CCDC7: variants seen among roughly 807,000 people sequenced by gnomAD.
CCDC7 encodes coiled-coil domain containing 7, also known as coiled-coil domain-containing protein 7.
A neutral mutation model predicts 196.9 loss-of-function variants in CCDC7; 183 were observed. The ratio of observed to expected loss-of-function variants is 0.93; its 90% CI spans 0.82 to 1.05. The LOEUF is 1.05. Ranked by LOEUF, CCDC7 falls within the 50% of genes least tolerant of loss-of-function variation. CCDC7 has a pLI of 0.00. For synonymous variants in CCDC7, 525 were observed against 484.6 expected, an observed-to-expected ratio of 1.08 and a Z score of -1.10; for missense variants, 1,540 against 1,482.2, an observed-to-expected ratio of 1.04 and a Z score of -0.64.
Position 32,469,030 on chromosome 10 carries a change from A to G in CCDC7, c.511-2034A>G, listed in dbSNP as rs72795508. Among the ~76,000 whole-genome samples the G allele has an allele frequency of 8.1e-3, 1,237 of 152,356 alleles. 14 individuals are homozygous for G. Among genetic ancestry groups the G allele is most frequent in the Non-Finnish European group, 0.014 (953 of 68,024 alleles). On this transcript the variant is annotated intron_variant, in intron 5 of 41. Transcript: ENST00000639629. ...TGTCTTGCTGGAATCTGTGCCCCAAAGATCTTTCTGAAGAAACCGTTTAGC... is the reference window on the plus strand; with the variant it reads ...TGTCTTGCTGGAATCTGTGCCCCAAGGATCTTTCTGAAGAAACCGTTTAGC...
At chr10:32,785,687 AAATAT>A (rs2081753017) in intron 29 of CCDC7, among the ~76,000 whole-genome samples, 1 of 152,186 alleles carries the variant, frequency 6.6e-6, no homozygotes, top group East Asian at 1.9e-4. Flanking sequence ...TTATGCATGG[AAATAT>A]AATATATTTA....
intron 28 of CCDC7, among the ~76,000 whole-genome samples, chr10:32,775,501 T>A (rs973397204): frequency 6.6e-6 from 1 of 152,176 alleles, no homozygotes; most frequent in African/African-American, 2.4e-5. Context: ...ACTATCTGTT[T>A]TTAGAAAAAA....
intron 24 of CCDC7, among the ~76,000 whole-genome samples, chr10:32,704,862 A>C (rs1176572764): frequency 6.6e-6 from 1 of 152,108 alleles, no homozygotes; most frequent in Non-Finnish European, 1.5e-5. Context: ...ACTGTTGGAA[A>C]AGCGCAGTAT....
intron 18 of CCDC7, among the ~76,000 whole-genome samples, chr10:32,633,696 A>ATATATGTGTGTGTGTGTGTG (rs779341941): frequency 3.5e-4 from 47 of 135,214 alleles, no homozygotes; most frequent in Non-Finnish European, 1.8e-4. Flanking sequence ...ATATATATAT[A>ATATATGTGTGTGTGTGTGTG]TGTGTGTGTG....
chr10:32,667,383 A>G (rs1394381072), intron 21 of CCDC7, among the ~76,000 whole-genome samples: 1 of 152,048 alleles, frequency 6.6e-6, no homozygotes, highest in East Asian at 1.9e-4. Context: ...ATTAGATCCC[A>G]TTTGTCAATT....
At chr10:32,473,827 G>A in intron 7 of CCDC7, 140 bp from the exon 9 acceptor site, 1 of 666,988 alleles carries the variant, frequency 1.5e-6, no homozygotes, top group Non-Finnish European at 2.3e-6. Flanking sequence ...AGGAAGATCT[G>A]CAGTGTTGGC....
chr10:32,732,130 GT>G (rs1172589721), intron 28 of CCDC7, among the ~76,000 whole-genome samples: 1 of 152,062 alleles, frequency 6.6e-6, no homozygotes, highest in Non-Finnish European at 1.5e-5. Context: ...TCACAGTAAA[GT>G]TTTTTTCACT....
chr10:32,594,823 A>T (rs1277646356), intron 18 of CCDC7, among the ~76,000 whole-genome samples: 2 of 152,078 alleles, frequency 1.3e-5, no homozygotes, highest in Admixed American at 6.6e-5. Flanking sequence ...GGTTTTTGTC[A>T]TTGGTTCTGT....
intron 29 of CCDC7, 86 bp downstream of exon 30, chr10:32,779,170 A>G: frequency 1.0e-6 from 1 of 990,970 alleles, no homozygotes; most frequent in African/African-American, 1.7e-5. Context: ...AAAAAACAGG[A>G]AATTCAAAGA....
At chr10:32,646,550 G>A (rs971905737) in intron 20 of CCDC7, among the ~76,000 whole-genome samples, 2 of 152,092 alleles carry the variant, frequency 1.3e-5, no homozygotes, top group African/African-American at 4.8e-5. Context: ...TGTCTAGAAT[G>A]CAGTTTAAAT....
At chr10:32,725,417 G>C (rs1161528259) in intron 25 of CCDC7, 1 of 468,986 alleles carries the variant, frequency 2.1e-6, no homozygotes, top group Admixed American at 2.4e-5. Context: ...TAGTTACATG[G>C]ATTAGTACTT....
chr10:32,864,529 T>G (rs907149913), intron 41 of CCDC7, among the ~76,000 whole-genome samples: 2 of 151,272 alleles, frequency 1.3e-5, no homozygotes, highest in African/African-American at 4.8e-5. Flanking sequence ...ATAATGCAAT[T>G]AAAATCAGAA....
rs1457485276 is a variant in CCDC7, at chr10:32,499,629, C to T, written c.872+7632C>T. On this transcript the variant is annotated intron_variant, in intron 9 of 41. Coordinates refer to ENST00000639629, the Ensembl canonical transcript of CCDC7. ...TTATTTTTTTTTAGTGTTTATTGAT[C>T]ATTCTTGGGTGTTTCTCTGAGAGGG... 5.4e-5 allele frequency among the ~76,000 whole-genome samples: 8 copies of T among 147,476 alleles called. No individual in the cohort carries two copies. In the East Asian group the frequency reaches 1.6e-3, roughly 29 times the overall value.
chr10:32,579,593 C>T (rs967751127), intron 16 of CCDC7, among the ~76,000 whole-genome samples: 5 of 152,038 alleles, frequency 3.3e-5, no homozygotes, highest in African/African-American at 1.2e-4. Context: ...CAGCACTCAT[C>T]AAATAGTCAT....
At chr10:32,678,047 C>G (rs985024338) in intron 21 of CCDC7, among the ~76,000 whole-genome samples, 5 of 151,972 alleles carry the variant, frequency 3.3e-5, no homozygotes, top group Admixed American at 1.3e-4. Flanking sequence ...CTGTTCCAGA[C>G]TTTCTGTTGG....
At chr10:32,540,558 G>A (rs569082895) in intron 11 of CCDC7, among the ~76,000 whole-genome samples, 15 of 152,172 alleles carry the variant, frequency 9.9e-5, no homozygotes, top group South Asian at 6.2e-4. Flanking sequence ...GTTTGATCTC[G>A]CTATCATGTT....
intron 25 of CCDC7, among the ~76,000 whole-genome samples, chr10:32,722,862 G>T (rs373605482): frequency 3.9e-4 from 60 of 152,052 alleles, no homozygotes; most frequent in African/African-American, 1.4e-3. Context: ...CCCAAGAAAT[G>T]CAATGCTCCT....
chr10:32,595,255 C>T (rs2060207156), intron 18 of CCDC7, among the ~76,000 whole-genome samples: 1 of 152,172 alleles, frequency 6.6e-6, no homozygotes, highest in Non-Finnish European at 1.5e-5. Context: ...AGGGATTCAA[C>T]TTCTTCCTGG....
chr10:32,871,730 G>C (rs1178760822), intron 41 of CCDC7, among the ~76,000 whole-genome samples: 2 of 151,996 alleles, frequency 1.3e-5, no homozygotes, highest in Non-Finnish European at 2.9e-5. Flanking sequence ...TTTCTCTTGT[G>C]GGCATTTAGT....
Sources: gnomAD v4.1 joint callset for allele counts (sites outside exome capture counted in the v4.1 genomes callset) on GRCh38, gnomAD v4.1.1 for gene constraint, MANE v1.5 for transcripts, NCBI Gene and HGNC (gene_info 2026-07-23, HGNC 2026-07-21) for gene names.